VWA8: variants seen among roughly 807,000 people sequenced by gnomAD.
The protein encoded by VWA8 is von Willebrand factor A domain containing 8.
VWA8 carries 221 observed loss-of-function variants against 241.5 expected under a neutral mutation model. The ratio of observed to expected loss-of-function variants is 0.91; its 90% CI spans 0.82 to 1.02. The LOEUF (loss-of-function observed/expected upper bound fraction) is 1.02, where lower values mean the gene tolerates loss of function less well. VWA8 is among the 50% of genes least tolerant of loss of function. The pLI, the probability that VWA8 is intolerant of heterozygous loss-of-function variation, is 0.00. For synonymous variants in VWA8, 852 were observed against 827.1 expected (o/e 1.03, Z -0.52); for missense variants, 2,322 against 2,328.7 (o/e 1.00, Z 0.06).
chr13:41,893,985 TTA>T (rs1460608875), intron 4 of VWA8, among the ~76,000 whole-genome samples: 26 of 152,284 alleles, frequency 1.7e-4, no homozygotes, highest in African/African-American at 6.3e-4. Context: ...AAAAAAGAAA[TTA>T]ATTGTTATCA....
intron 37 of VWA8, among the ~76,000 whole-genome samples, chr13:41,627,049 T>C (rs1201492937): frequency 1.3e-5 from 2 of 152,002 alleles, no homozygotes; most frequent in Non-Finnish European, 2.9e-5. Flanking sequence ...TCAGAATCTA[T>C]AAGGAACTTA....
Position 41,763,695 on chromosome 13 carries a change from A to C in VWA8, c.2350-2491T>G, listed in dbSNP as rs545251571. Reference sequence around the variant, plus strand: ...TCTGTTAAATTCAGCAATCCTAGGAAAAGCAGACATCACAAATGCATTACA... The same window carrying C: ...TCTGTTAAATTCAGCAATCCTAGGACAAGCAGACATCACAAATGCATTACA... On this transcript the variant is annotated intron_variant, in intron 20 of 44. Transcript: ENST00000379310. Among the ~76,000 whole-genome samples, 5 of 152,340 alleles carry C rather than the reference A, an allele frequency of 3.3e-5. No individual in the cohort carries two copies. The South Asian group carries it at 1.0e-3, about 32-fold the overall frequency.
chr13:41,782,603 A>C (rs1868937700), intron 19 of VWA8, among the ~76,000 whole-genome samples: 1 of 152,150 alleles, frequency 6.6e-6, no homozygotes, highest in East Asian at 1.9e-4. Context: ...AAAATGAATA[A>C]AAATCAAATC....
At chr13:41,736,234 A>G (rs1385295551) in intron 21 of VWA8, among the ~76,000 whole-genome samples, 1 of 152,218 alleles carries the variant, frequency 6.6e-6, no homozygotes, top group East Asian at 1.9e-4. Flanking sequence ...CTCACTTTTT[A>G]CTATCTTACA....
intron 44 of VWA8, 21 bp from the exon 45 acceptor site, chr13:41,568,326 A>G (rs754677196): frequency 1.7e-5 from 28 of 1,607,456 alleles, no homozygotes; most frequent in Non-Finnish European, 2.2e-5. Flanking sequence ...GGAAAGGGAA[A>G]GGAAGTTACC....
At chr13:41,659,761 A>T (rs1165412916) in intron 37 of VWA8, among the ~76,000 whole-genome samples, 3 of 152,202 alleles carry the variant, frequency 2.0e-5, no homozygotes, top group African/African-American at 7.2e-5. Flanking sequence ...AATATGTTCA[A>T]ATTGGTGACT....
chr13:41,735,985 T>G (rs2045521567), intron 21 of VWA8, among the ~76,000 whole-genome samples: 1 of 152,176 alleles, frequency 6.6e-6, no homozygotes, highest in South Asian at 2.1e-4. Flanking sequence ...TTTTATTTCT[T>G]GCAACTTCAA....
rs771873954 is a variant in VWA8 at position 41,783,818 on chromosome 13, C to A, written c.2254G>T (p.Val752Phe). The A allele has an allele frequency of 6.2e-7, 1 of 1,613,134 alleles. No individual in the cohort carries two copies. Among genetic ancestry groups the A allele is most frequent in the South Asian group, 1.1e-5 (1 of 90,960 alleles). The change falls in exon 19 of 45, where the codon GTT becomes TTT. Residue 752 changes from valine to phenylalanine, a missense_variant. Coordinates refer to ENST00000379310, the MANE Select transcript of VWA8 (RefSeq NM_015058.2). ...ACCTGAATGTTGTCATAGAAAAGAA[C>A]ATCAGGCACTTTCATTTTCTCATGT... is the stretch of plus-strand genomic sequence containing the variant. Reference protein sequence around the residue: ...NAHEKMKVPDVLFYDNIQHVI... With the variant: ...NAHEKMKVPDFLFYDNIQHVI...
chr13:41,826,873 C>CA (rs1158955367), intron 14 of VWA8, among the ~76,000 whole-genome samples: 8 of 150,928 alleles, frequency 5.3e-5, no homozygotes, highest in Non-Finnish European at 8.9e-5. Context: ...GACCCTATCT[C>CA]AAAAAAAGAT....
At position 41,695,222 on chromosome 13, in the gene VWA8, T is replaced by C. The variant is rs190462916; in HGVS notation, c.3565-2250A>G. Among the ~76,000 whole-genome samples the C allele has an allele frequency of 2.5e-3, 385 of 152,178 alleles. 4 individuals carry two copies. Among genetic ancestry groups the C allele is most frequent in the African/African-American group, 8.6e-3 (355 of 41,518 alleles). ...GTCCCTAAATCTGAAATTCTAAACTTTGTACAGATGTAATAAATAATCTCA... is the reference window on the plus strand; with the variant it reads ...GTCCCTAAATCTGAAATTCTAAACTCTGTACAGATGTAATAAATAATCTCA... On this transcript the variant is annotated intron_variant, in intron 29 of 44. Coordinates refer to ENST00000379310, the MANE Select transcript of VWA8 (RefSeq NM_015058.2).
intron 17 of VWA8, among the ~76,000 whole-genome samples, chr13:41,808,307 T>C (rs77294917): frequency 4.3e-3 from 656 of 152,300 alleles, no homozygotes; most frequent in Non-Finnish European, 8.0e-3. Context: ...GAGTAATTCA[T>C]AAAGAAAAGA....
At chr13:41,786,000 C>G (rs1486382066) in intron 18 of VWA8, among the ~76,000 whole-genome samples, 3 of 152,018 alleles carry the variant, frequency 2.0e-5, no homozygotes, top group Non-Finnish European at 4.4e-5. Flanking sequence ...AAAATGTCAA[C>G]CTCAAAAAGG....
At chr13:41,925,058 T>C (rs1301257134) in intron 2 of VWA8, among the ~76,000 whole-genome samples, 1 of 152,186 alleles carries the variant, frequency 6.6e-6, no homozygotes, top group East Asian at 1.9e-4. Context: ...CATTAGACTA[T>C]TAGATTTCTC....
intron 17 of VWA8, among the ~76,000 whole-genome samples, chr13:41,793,492 T>G (rs1004632310): frequency 4.6e-5 from 7 of 152,144 alleles, no homozygotes; most frequent in Admixed American, 2.0e-4. Flanking sequence ...TTGAAATCCT[T>G]TTGCCCATAG....
At chr13:41,861,197 C>T (rs1042711745) in intron 12 of VWA8, among the ~76,000 whole-genome samples, 8 of 151,798 alleles carry the variant, frequency 5.3e-5, no homozygotes, top group East Asian at 1.9e-4. Flanking sequence ...GGTGACAGTG[C>T]GAGACTCCAT....
intron 35 of VWA8, among the ~76,000 whole-genome samples, chr13:41,680,316 T>C (rs2045089875): frequency 6.6e-6 from 1 of 152,186 alleles, no homozygotes; most frequent in South Asian, 2.1e-4. Context: ...CTAAGAGACA[T>C]CTCTCCTGAA....
At position 41,761,196 on chromosome 13, in the gene VWA8, T is replaced by C; in HGVS notation, c.2358A>G (p.Gly786=). 1 of 1,611,260 alleles carries C rather than the reference T, an allele frequency of 6.2e-7. No homozygotes were observed. Among genetic ancestry groups the C allele is most frequent in the Non-Finnish European group, 8.5e-7 (1 of 1,178,228 alleles). ...GGAATCTGTCAACAATCTTGTTTTT[T>C]CCTACACCCTGTAATTACACAGAAA... ...HLLLVGNQGV[G]KNKIVDRFLH... is the part of the protein sequence containing the mutation. The change falls in exon 21 of 45, where the codon GGA becomes GGG. Residue 786 remains glycine (G), a synonymous_variant. Transcript: ENST00000379310.
rs553809827 is a variant in VWA8, at chr13:41,642,520, T to C, written c.4612-27436A>G. Among the ~76,000 whole-genome samples the C allele has an allele frequency of 9.1e-5, 13 of 143,436 alleles. No homozygotes were observed. In the East Asian group the frequency reaches 2.7e-3, roughly 30 times the overall value. 94.1% of individuals were successfully genotyped at this position (143,436 alleles called of 152,430 possible). A position where few individuals can be genotyped will look rare whatever the true frequency, so the allele number is the denominator to read the frequency against. On this transcript the variant is annotated intron_variant, in intron 37 of 44. Transcript: ENST00000379310. ...ACTACAGTGAGCCGAGATGGCGCCA[T>C]TGCACTCCAGCCTGGGTGACAGTGC...
At chr13:41,871,119 TA>T (rs1873583961) in intron 9 of VWA8, among the ~76,000 whole-genome samples, 1 of 152,104 alleles carries the variant, frequency 6.6e-6, no homozygotes, top group African/African-American at 2.4e-5. Context: ...CTTCAAACTA[TA>T]ACCCAAATGC....
Sources: gnomAD v4.1 joint callset for allele counts (sites outside exome capture counted in the v4.1 genomes callset) on GRCh38, gnomAD v4.1.1 for gene constraint, MANE v1.5 for transcripts, NCBI Gene and HGNC (gene_info 2026-07-23, HGNC 2026-07-21) for gene names.